The following CLEC1B variants were observed in gnomAD, a reference collection of about 807,000 sequenced individuals.
CLEC1B encodes the protein C-type lectin-like receptor 2.
CLEC1B carries 26 observed loss-of-function variants against 26.7 expected under a neutral mutation model. That is an observed-to-expected ratio of 0.97 (90% CI 0.71 to 1.35). CLEC1B has a LOEUF of 1.35. Ranked by LOEUF, CLEC1B falls within the 40% of genes most tolerant of loss-of-function variation. The pLI is 0.00. For synonymous variants in CLEC1B, 112 were observed against 96.0 expected (o/e 1.17, Z -0.97); for missense variants, 293 against 282.6 (o/e 1.04, Z -0.26).
chr12:9,994,991 T>C (rs1199934134), intron 5 of CLEC1B, 149 bp downstream of exon 5: 1 of 1,541,598 alleles, frequency 6.5e-7, no homozygotes, highest in Non-Finnish European at 8.8e-7. Context: ...AATTGTCTTA[T>C]GACCAGCGCT....
chr12:9,994,772 A>T (rs1399566088), intron 5 of CLEC1B, among the ~76,000 whole-genome samples: 1 of 152,134 alleles, frequency 6.6e-6, no homozygotes, highest in Non-Finnish European at 1.5e-5. Flanking sequence ...TTTTGTTTTA[A>T]AAATATGTGA....
Position 9,997,069 on chromosome 12 carries a change from G to A in CLEC1B, c.284-69C>T, listed in dbSNP as rs549992945. On this transcript the variant is annotated intron_variant, in intron 3 of 5. Transcript: ENST00000298527. ...GGCTTACATTTTCTTCACATTCAAT[G>A]TTTTCTGCAGATCTCAAACTCCCTT... 169 of 1,608,818 alleles carry A rather than the reference G, an allele frequency of 1.1e-4. 1 individual carries two copies. The East Asian group carries it at 2.9e-3, about 27-fold the overall frequency.
chr12:10,001,710 T>C (rs1865161723), upstream of CLEC1B, among the ~76,000 whole-genome samples: 1 of 152,184 alleles, frequency 6.6e-6, no homozygotes, highest in Non-Finnish European at 1.5e-5. Flanking sequence ...ATATCACAAA[T>C]GCTTCTTTTC....
chr12:10,000,014 C>T (rs1278056998), upstream of CLEC1B, among the ~76,000 whole-genome samples: 1 of 152,146 alleles, frequency 6.6e-6, no homozygotes, highest in Non-Finnish European at 1.5e-5. Flanking sequence ...TAAGAACAGC[C>T]ATACAAAGCT....
In CLEC1B at chr12:9,996,722, G is replaced by A. The variant is rs201722037; in HGVS notation, c.438+124C>T. 22 of 943,020 alleles carry A rather than the reference G, an allele frequency of 2.3e-5. No homozygotes were observed. The East Asian group carries it at 4.8e-4, about 21-fold the overall frequency. The allele number at this position is 943,020 out of a possible 1,614,324, so 58.4% of individuals were successfully genotyped here. A position where few individuals can be genotyped will look rare whatever the true frequency, so the allele number is the denominator to read the frequency against. ...CTGTAATTCTTACTAGGTTTCACAA[G>A]GGTCTTAGATTAGTACAAACTGAAA... is the stretch of plus-strand genomic sequence containing the variant. On this transcript the variant is annotated intron_variant, in intron 4 of 5. Transcript: ENST00000298527.
intron 4 of CLEC1B, among the ~76,000 whole-genome samples, chr12:9,996,361 G>A (rs185682158): frequency 1.1e-4 from 17 of 152,274 alleles, no homozygotes; most frequent in African/African-American, 3.6e-4. Flanking sequence ...CATCTGCCTA[G>A]ACTAATACAA....
At chr12:9,997,392 T>C in intron 2 of CLEC1B, 113 bp from the exon 3 acceptor site, 1 of 869,352 alleles carries the variant, frequency 1.2e-6, no homozygotes, top group Non-Finnish European at 1.7e-6. Flanking sequence ...AGGAGTTTAC[T>C]AGATACACAT....
intron 2 of CLEC1B, 25 bp downstream of exon 2, chr12:9,998,257 A>G (rs377059508): frequency 1.3e-6 from 2 of 1,589,434 alleles, no homozygotes; most frequent in Non-Finnish European, 1.7e-6. Context: ...CCTCCAGTCA[A>G]ATTTCTGGCA....
At chr12:10,001,866 A>G, upstream of CLEC1B, among the ~76,000 whole-genome samples, 1 of 147,380 alleles carries the variant, frequency 6.8e-6, no homozygotes, top group East Asian at 2.0e-4. Flanking sequence ...GAAACTATAT[A>G]CAGCTAAACA....
chr12:9,999,127 CAG>C, upstream of CLEC1B: 1 of 1,541,436 alleles, frequency 6.5e-7, no homozygotes, highest in Non-Finnish European at 8.9e-7. Context: ...CAACTGAGCT[CAG>C]AGTTCAATGA....
rs527322292 is a variant in CLEC1B, at chr12:9,999,117, C to G, written c.-17G>C. 2 of 1,575,364 alleles carry G rather than the reference C, an allele frequency of 1.3e-6. No homozygotes were observed. The highest frequency in any genetic ancestry group is 2.3e-5 in the South Asian group (2 of 86,790). On this transcript the variant is annotated 5_prime_UTR_variant, in exon 1 of 6. Transcript: ENST00000298527. Reference sequence around the variant, plus strand: ...ATCCTGCATGGCTTCCCGAGTACTGCAACTGAGCTCAGAGTTCAATGACTT... The same window carrying G: ...ATCCTGCATGGCTTCCCGAGTACTGGAACTGAGCTCAGAGTTCAATGACTT...
At chr12:9,994,166 G>A (rs1410096038) in intron 5 of CLEC1B, among the ~76,000 whole-genome samples, 2 of 152,110 alleles carry the variant, frequency 1.3e-5, no homozygotes, top group Non-Finnish European at 2.9e-5. Context: ...TCAGTGGAGA[G>A]ATGGTCATGG....
intron 2 of CLEC1B, among the ~76,000 whole-genome samples, chr12:9,997,531 C>G (rs1054205468): frequency 1.3e-5 from 2 of 152,120 alleles, no homozygotes; most frequent in African/African-American, 2.4e-5. Flanking sequence ...ATCCCAACAT[C>G]GATAACATCC....
Position 9,997,002 on chromosome 12 carries a change from T to C in CLEC1B, c.284-2A>G. On this transcript the variant is annotated splice_acceptor_variant, in intron 3 of 5. Coordinates refer to ENST00000298527, the MANE Select transcript of CLEC1B (RefSeq NM_016509.4). LOFTEE classifies it high-confidence loss of function. ...CACAGGGGCTGCATTTATGACCTTCTGGAGAAACCAAGCACAGGAATGGTG... is the reference window on the plus strand; with the variant it reads ...CACAGGGGCTGCATTTATGACCTTCCGGAGAAACCAAGCACAGGAATGGTG... 1 of 1,613,804 alleles carries C rather than the reference T, an allele frequency of 6.2e-7. No homozygotes were observed. Among genetic ancestry groups the C allele is most frequent in the Non-Finnish European group, 8.5e-7 (1 of 1,179,886 alleles).
At position 9,998,163 on chromosome 12, in the gene CLEC1B, G is replaced by A. The variant is rs1332270751; in HGVS notation, c.163+119C>T. 1.4e-5 allele frequency: 10 copies of A among 738,494 alleles called. No individual in the cohort carries two copies. The Admixed American group carries it at 1.7e-4, about 12-fold the overall frequency. The allele number at this position is 738,494 out of a possible 1,614,324, so 45.7% of individuals were successfully genotyped here. On this transcript the variant is annotated intron_variant, in intron 2 of 5. Coordinates refer to ENST00000298527, the MANE Select transcript of CLEC1B (RefSeq NM_016509.4). ...GAGATTCTCTTGGCAACTATCTGTAGGACAACTGTAGAAGTGATAAACAGA... is the reference window on the plus strand; with the variant it reads ...GAGATTCTCTTGGCAACTATCTGTAAGACAACTGTAGAAGTGATAAACAGA...
chr12:9,998,969 AAAAG>A (rs764228211), intron 1 of CLEC1B, 64 bp downstream of exon 1: 42 of 928,758 alleles, frequency 4.5e-5, no homozygotes, highest in Non-Finnish European at 6.4e-5. Flanking sequence ...CAATAGTAGA[AAAAG>A]AAAGAATTGA....
chr12:10,001,667 A>T (rs1197675841), upstream of CLEC1B, among the ~76,000 whole-genome samples: 1 of 152,184 alleles, frequency 6.6e-6, no homozygotes, highest in Non-Finnish European at 1.5e-5. Context: ...ACTCAGCAAA[A>T]ATTAAGCAGA....
chr12:9,996,408 A>G (rs946491808), intron 4 of CLEC1B, among the ~76,000 whole-genome samples: 1 of 152,218 alleles, frequency 6.6e-6, no homozygotes, highest in African/African-American at 2.4e-5. Context: ...ATTAATCTCT[A>G]TATAATAGAG....
rs761451862 is a variant in CLEC1B at position 9,997,162 on chromosome 12, A to C, written c.281T>G (p.Phe94Cys). 3.7e-6 allele frequency: 6 copies of C among 1,613,952 alleles called. No individual in the cohort carries two copies. The highest frequency in any genetic ancestry group is 5.1e-6 in the Non-Finnish European group (6 of 1,179,958). Reference protein sequence around the residue: ...VVKQSELKGTFKGHKCSPCDT... With the variant: ...VVKQSELKGTCKGHKCSPCDT... The stretch of plus-strand genomic sequence containing the variant: ...GAGGTTAAAAAAACAATACTTACTG[A>C]AAGTGCCCTTTAGTTCTGATTGTTT... Residue 94 changes from phenylalanine (F) to cysteine (C), a missense_variant and splice_region_variant, in exon 3 of 6, where the codon TTC (phenylalanine) becomes TGC (cysteine). Phe to Cys is a radical substitution (Grantham distance 205). Coordinates refer to ENST00000298527, the MANE Select transcript of CLEC1B (RefSeq NM_016509.4).
Sources: allele counts gnomAD v4.1 joint callset (sites outside exome capture counted in the v4.1 genomes callset), GRCh38; gene constraint gnomAD v4.1.1; transcripts MANE v1.5; gene names NCBI Gene and HGNC (gene_info 2026-07-23, HGNC 2026-07-21).